FYCO1: variants seen among roughly 807,000 people sequenced by gnomAD.
The protein encoded by FYCO1 is FYVE and coiled-coil domain autophagy adaptor 1.
FYCO1 carries 122 observed loss-of-function variants against 165.1 expected under a neutral mutation model. The ratio of observed to expected loss-of-function variants is 0.74; its 90% CI spans 0.64 to 0.86. The LOEUF (loss-of-function observed/expected upper bound fraction) is 0.86, where lower values mean the gene tolerates loss of function less well. Ranked by LOEUF, FYCO1 falls within the 40% of genes least tolerant of loss-of-function variation. The pLI is 0.00. For synonymous variants in FYCO1, 648 were observed against 742.5 expected (o/e 0.87, Z 2.07); for missense variants, 1,702 against 1,810.3 (o/e 0.94, Z 1.09).
chr3:45,993,389 A>T lies in FYCO1; in HGVS notation c.-113+2333T>A, dbSNP rs533849557. 1.3e-5 allele frequency among the ~76,000 whole-genome samples: 2 copies of T among 152,356 alleles called. No individual in the cohort carries two copies. Among genetic ancestry groups the T allele is most frequent in the South Asian group, 4.1e-4 (2 of 4,834 alleles). ...ATGGCTCTTATTATGGGGGTAGTAC[A>T]GACATTTCAGCCATTTTTGTGATGT... On this transcript the variant is annotated intron_variant, in intron 1 of 17. Transcript: ENST00000296137. This position sits in a 1 kb window ranked among gnomAD's most constrained non-coding sequence, Gnocchi z 4.4.
Position 45,955,381 on chromosome 3 carries a change from TC to T in FYCO1, c.3811del (p.Asp1271ThrfsTer52). Reference sequence around the variant, plus strand: ...CACAGCGTCGTCCGGTGGCCTGTAGTCTGTATTTGCTCCTGGGCAGCAGAGG... The same window carrying T: ...CACAGCGTCGTCCGGTGGCCTGTAGTTGTATTTGCTCCTGGGCAGCAGAGG... ...QATGGQGANT[D>X]YRPPDDAVFD... On this transcript the variant is annotated frameshift_variant, in exon 14 of 18. Coordinates refer to ENST00000296137, the MANE Select transcript of FYCO1 (RefSeq NM_024513.4). LOFTEE classifies it high-confidence loss of function. The T allele has an allele frequency of 6.2e-7, 1 of 1,614,142 alleles. No individual in the cohort carries two copies. The highest frequency in any genetic ancestry group is 8.5e-7 in the Non-Finnish European group (1 of 1,180,018).
rs1220328918 is a variant in FYCO1, at chr3:45,920,998, A to G, written c.*767T>C. The G allele has an allele frequency of 2.6e-5, 4 of 155,506 alleles. No individual in the cohort carries two copies. Among genetic ancestry groups the G allele is most frequent in the Non-Finnish European group, 2.9e-5 (2 of 69,918 alleles). The allele number at this position is 155,506 out of a possible 1,614,324, so 9.6% of individuals were successfully genotyped here. A position where few individuals can be genotyped will look rare whatever the true frequency, so the allele number is the denominator to read the frequency against. ...CACAGCCATTGCAGGCCCCAAGTAC[A>G]GTGGGTTTTGCTCTTGGATTATCTT... is the stretch of plus-strand genomic sequence containing the variant. On this transcript the variant is annotated 3_prime_UTR_variant, in exon 18 of 18. Transcript: ENST00000296137.
rs1703098633 is a variant in FYCO1, at chr3:45,921,697, G to A, written c.*68C>T. 2.7e-6 allele frequency: 3 copies of A among 1,092,128 alleles called. No homozygotes were observed. The highest frequency in any genetic ancestry group is 1.5e-5 in the African/African-American group (1 of 64,652). The allele number at this position is 1,092,128 out of a possible 1,614,324, so 67.7% of individuals were successfully genotyped here. ...GGAGCAGCTGACTTTTTAAAAAAAT[G>A]CTTTATGTGACAGGTGAGGAAGAGC... On this transcript the variant is annotated 3_prime_UTR_variant, in exon 18 of 18. Transcript: ENST00000296137.
At chr3:45,927,221 C>G (rs1285487635) in intron 16 of FYCO1, among the ~76,000 whole-genome samples, 1 of 152,162 alleles carries the variant, frequency 6.6e-6, no homozygotes, top group Non-Finnish European at 1.5e-5. Flanking sequence ...TGGCCCAAGA[C>G]AATTCTTCCA....
At position 45,967,366 on chromosome 3, in the gene FYCO1, G is replaced by A. The variant is rs1706120978; in HGVS notation, c.1968C>T (p.Ile656=). 4.3e-6 allele frequency: 7 copies of A among 1,610,338 alleles called. No homozygotes were observed. The East Asian group carries it at 1.6e-4, about 36-fold the overall frequency. The change falls in exon 8 of 18, where the codon ATC becomes ATT. Residue 656 remains isoleucine (I), a synonymous_variant. Transcript: ENST00000296137. ...YQALQQRESA[I]QGSLASLEAE... ...CCTCCAGGGAGGCCAAGGAGCCCTG[G>A]ATGGCTGATTCCCGCTGCTGCAAAG...
intron 8 of FYCO1, among the ~76,000 whole-genome samples, chr3:45,965,478 C>T (rs960782321): frequency 1.3e-5 from 2 of 152,174 alleles, no homozygotes; most frequent in South Asian, 2.1e-4. Flanking sequence ...GTGCACAGAC[C>T]TTGATGCAGA....
Sources: gnomAD v4.1 joint callset for allele counts (sites outside exome capture counted in the v4.1 genomes callset) on GRCh38, gnomAD v4.1.1 for gene constraint, Gnocchi (gnomAD v3.1) non-coding constraint, MANE v1.5 for transcripts, NCBI Gene and HGNC (gene_info 2026-07-23, HGNC 2026-07-21) for gene names.